Variants in KMT2A observed in about 807,000 individuals in gnomAD.
KMT2A encodes histone-lysine N-methyltransferase 2A.
In KMT2A, 16 loss-of-function variants were observed where a neutral mutation model predicts 345.3. The observed-to-expected ratio is 0.05, with a 90% CI of 0.03 to 0.07. KMT2A has a LOEUF of 0.07. Ranked by LOEUF, KMT2A falls within the 10% of genes least tolerant of loss-of-function variation. The pLI, the probability that KMT2A is intolerant of heterozygous loss-of-function variation, is 1.00. For missense variants in KMT2A, 3,272 were observed against 4,841.6 expected (o/e 0.68, Z 9.62); for synonymous variants, 1,599 against 1,778.6 (o/e 0.90, Z 2.54).
At chr11:118,486,866 C>T (rs1367961183) in intron 10 of KMT2A, among the ~76,000 whole-genome samples, 1 of 151,934 alleles carries the variant, frequency 6.6e-6, no homozygotes, top group Non-Finnish European at 1.5e-5. Context: ...CCAGCCTGGG[C>T]AACTAAGCAA....
chr11:118,459,008 T>C (rs1458032374), intron 1 of KMT2A, among the ~76,000 whole-genome samples: 3 of 152,210 alleles, frequency 2.0e-5, no homozygotes, highest in Admixed American at 6.5e-5. Context: ...ATGGTATTGA[T>C]GTTATTTTCA....
rs1950323544 is a variant in KMT2A at position 118,491,491 on chromosome 11, A to G, written c.4819+173A>G. Among the ~76,000 whole-genome samples, 1 of 152,212 alleles carries G rather than the reference A, an allele frequency of 6.6e-6. No homozygotes were observed. The highest frequency in any genetic ancestry group is 1.5e-5 in the Non-Finnish European group (1 of 68,034). The stretch of plus-strand genomic sequence containing the variant: ...TTATTTGTGCTCACTTATCTTGAAT[A>G]TATGCCTTTAAAGTATTTATTTGCT... On this transcript the variant is annotated intron_variant, in intron 14 of 35. Coordinates refer to ENST00000534358, the MANE Select transcript of KMT2A (RefSeq NM_001197104.2). This position sits in a 1 kb window ranked among gnomAD's most constrained non-coding sequence, Gnocchi z 4.2.
In KMT2A at chr11:118,502,827, A is replaced by G. The variant is rs1555046253; in HGVS notation, c.6935A>G (p.Lys2312Arg). The G allele has an allele frequency of 6.2e-7, 1 of 1,614,192 alleles. No homozygotes were observed. Among genetic ancestry groups the G allele is most frequent in the Admixed American group, 1.7e-5 (1 of 60,024 alleles). Residue 2312 changes from lysine (K) to arginine (R), a missense_variant, in exon 27 of 36, where the codon AAA becomes AGA. By Grantham distance (26) the Lys-to-Arg change is conservative. Transcript: ENST00000534358. This position sits in a 1 kb window ranked among gnomAD's most constrained non-coding sequence, Gnocchi z 4.9. Reference sequence around the variant, plus strand: ...TCCTCTTTAAAGGGAGAGAAGACCAAAGTGCTGAGTTCCAAGAGCTCAGAG... The same window carrying G: ...TCCTCTTTAAAGGGAGAGAAGACCAGAGTGCTGAGTTCCAAGAGCTCAGAG... ...KSSSLKGEKT[K>R]VLSSKSSEGS...
chr11:118,449,041 T>G (rs1297135896), intron 1 of KMT2A: 1 of 152,168 alleles, frequency 6.6e-6, no homozygotes, highest in African/African-American at 2.4e-5. Context: ...TTACGATTCT[T>G]TGTTCTACTT....
In KMT2A at chr11:118,501,877, T is replaced by C. The variant is rs1950506663; in HGVS notation, c.6505+20T>C. 3 of 1,588,466 alleles carry C rather than the reference T, an allele frequency of 1.9e-6. No homozygotes were observed. Among genetic ancestry groups the C allele is most frequent in the Non-Finnish European group, 2.6e-6 (3 of 1,164,340 alleles). On this transcript the variant is annotated intron_variant, in intron 26 of 35. Transcript: ENST00000534358. ...CTGCAGGTAAAAGACTTTATTGACC[T>C]ACTTGACCTAAGAAGATCAGCCCAA...
At chr11:118,451,207 CT>C (rs1167567348) in intron 1 of KMT2A, among the ~76,000 whole-genome samples, 179 of 120,988 alleles carry the variant, frequency 1.5e-3, no homozygotes, top group Admixed American at 2.1e-3. Context: ...CTATCTAATT[CT>C]TTTTTTTTTT....
At position 118,493,234 on chromosome 11, in the gene KMT2A, T is replaced by C; in HGVS notation, c.5178+4T>C. 1 of 1,613,362 alleles carries C rather than the reference T, an allele frequency of 6.2e-7. No individual in the cohort carries two copies. The highest frequency in any genetic ancestry group is 8.5e-7 in the Non-Finnish European group (1 of 1,179,386). The stretch of plus-strand genomic sequence containing the variant: ...CCAAGGGAATTACACATCTGTGGTA[T>C]GTTTCTACAGTGAGCCATCAGAATT... On this transcript the variant is annotated splice_donor_region_variant and intron_variant, in intron 16 of 35. Transcript: ENST00000534358. This position sits in a 1 kb window ranked among gnomAD's most constrained non-coding sequence, Gnocchi z 5.8.
rs1482142904 is a variant in KMT2A at position 118,502,195 on chromosome 11, G to A, written c.6506-203G>A. The stretch of plus-strand genomic sequence containing the variant: ...TGGAACCCAGGAGGTGGAGGTTGCA[G>A]TAAGCCGAGATCGCACCACTGCACT... On this transcript the variant is annotated intron_variant, in intron 26 of 35. Coordinates refer to ENST00000534358, the MANE Select transcript of KMT2A (RefSeq NM_001197104.2). This position sits in a 1 kb window ranked among gnomAD's most constrained non-coding sequence, Gnocchi z 4.9. Among the ~76,000 whole-genome samples, 15 of 152,154 alleles carry A rather than the reference G, an allele frequency of 9.9e-5. No individual in the cohort carries two copies. Among genetic ancestry groups the A allele is most frequent in the African/African-American group, 3.6e-4 (15 of 41,440 alleles).
rs542534 is a variant in KMT2A at position 118,498,191 on chromosome 11, A to G, written c.5802+118A>G. 2 of 1,230,712 alleles carry G rather than the reference A, an allele frequency of 1.6e-6. No individual in the cohort carries two copies. The highest frequency in any genetic ancestry group is 2.3e-6 in the Non-Finnish European group (2 of 866,646). 76.2% of individuals were successfully genotyped at this position (1,230,712 alleles called of 1,614,324 possible). The stretch of plus-strand genomic sequence containing the variant: ...CACAGTGCCATCAGGGTAGTTAGCC[A>G]ACAAGTATTGATATACATAATTCAA... On this transcript the variant is annotated intron_variant, in intron 21 of 35. Transcript: ENST00000534358. This position sits in a 1 kb window ranked among gnomAD's most constrained non-coding sequence, Gnocchi z 4.4.
At chr11:118,457,208 A>G (rs2134216494) in intron 1 of KMT2A, among the ~76,000 whole-genome samples, 1 of 150,074 alleles carries the variant, frequency 6.7e-6, no homozygotes, top group Admixed American at 6.6e-5. Flanking sequence ...TCAAAGATAA[A>G]CTTCAAACTC....
intron 4 of KMT2A, 81 bp downstream of exon 4, chr11:118,477,063 C>T: frequency 2.9e-6 from 4 of 1,362,126 alleles, no homozygotes; most frequent in Non-Finnish European, 2.1e-6. Context: ...CCAGTAGGCT[C>T]TTCATAGTTA....
rs147292591 is a variant in KMT2A at position 118,502,303 on chromosome 11, A to AATAT, written c.6506-83_6506-80dup. 3.0e-4 allele frequency: 180 copies of AATAT among 605,922 alleles called. No individual in the cohort carries two copies. Among genetic ancestry groups the AATAT allele is most frequent in the Middle Eastern group, 4.8e-4 (1 of 2,062 alleles). The allele number at this position is 605,922 out of a possible 1,614,324, so 37.5% of individuals were successfully genotyped here. A position where few individuals can be genotyped will look rare whatever the true frequency, so the allele number is the denominator to read the frequency against. On this transcript the variant is annotated intron_variant, in intron 26 of 35. Transcript: ENST00000534358. This position sits in a 1 kb window ranked among gnomAD's most constrained non-coding sequence, Gnocchi z 4.9. Reference sequence around the variant, plus strand: ...AAATGTAGATTTCCAGTTACCTATAAATATATATATATATAGTCAAATCAT... The same window carrying AATAT: ...AAATGTAGATTTCCAGTTACCTATAAATATATATATATATATATAGTCAAATCAT...
Position 118,500,358 on chromosome 11 carries a change from T to C in KMT2A, c.6158+445T>C, listed in dbSNP as rs9332832. Among the ~76,000 whole-genome samples the C allele has an allele frequency of 1.7e-3, 252 of 152,324 alleles. 2 individuals carry two copies. The highest frequency in any genetic ancestry group is 3.2e-3 in the Non-Finnish European group (220 of 68,030). On this transcript the variant is annotated intron_variant, in intron 24 of 35. Coordinates refer to ENST00000534358, the MANE Select transcript of KMT2A (RefSeq NM_001197104.2). ...TATAATCTTACCTATATGAAGTAAG[T>C]TGTTAAAATGTCTAACAAGCTAACA...
At chr11:118,437,726 C>T (rs1555139131) in intron 1 of KMT2A, among the ~76,000 whole-genome samples, 1 of 151,662 alleles carries the variant, frequency 6.6e-6, no homozygotes, top group Non-Finnish European at 1.5e-5. Flanking sequence ...TATTGGTAGC[C>T]GGGAATTACT....
intron 1 of KMT2A, among the ~76,000 whole-genome samples, chr11:118,454,967 G>A (rs1565266807): frequency 6.6e-6 from 1 of 151,820 alleles, no homozygotes; most frequent in South Asian, 2.1e-4. Context: ...CTACCCTAGC[G>A]AATATAACCC....
intron 2 of KMT2A, among the ~76,000 whole-genome samples, chr11:118,469,097 C>T (rs542195): frequency 2.4e-4 from 37 of 151,732 alleles, no homozygotes; most frequent in Non-Finnish European, 2.5e-4. Flanking sequence ...CCCACTAACT[C>T]GTCATCTAGC....
chr11:118,509,087 G>T (rs2134426106), intron 28 of KMT2A, 49 bp from the exon 29 acceptor site: 1 of 1,539,110 alleles, frequency 6.5e-7, no homozygotes, highest in Non-Finnish European at 9.0e-7. Flanking sequence ...TTTTTTCTTT[G>T]AATTGAAGAA....
rs2134389397 is a variant in KMT2A, at chr11:118,503,051, G to C, written c.7159G>C (p.Asp2387His). The change falls in exon 27 of 36, where the codon GAT (aspartate) becomes CAT (histidine). Residue 2387 changes from aspartate (D) to histidine (H), a missense_variant. By Grantham distance (81) the Asp-to-His change is moderately conservative. Around this residue, in one of 27 missense-constraint regions of KMT2A, gnomAD observed 445 missense variants for 500.9 expected, o/e 0.89. Coordinates refer to ENST00000534358, the MANE Select transcript of KMT2A (RefSeq NM_001197104.2). The surrounding 1 kb of genome is among the most constrained non-coding windows in gnomAD (Gnocchi z 5.3). ...AAGGAATGATCGAGACCAACACACA[G>C]ATTCTACCCAATCAGCAAACTCCTC... ...GQRNDRDQHT[D>H]STQSANSSPD... is the part of the protein sequence containing the mutation. The C allele has an allele frequency of 6.2e-7, 1 of 1,613,138 alleles. No homozygotes were observed. The highest frequency in any genetic ancestry group is 1.1e-5 in the South Asian group (1 of 91,064).
At position 118,502,590 on chromosome 11, in the gene KMT2A, C is replaced by G. The variant is rs144271443; in HGVS notation, c.6698C>G (p.Thr2233Ser). 6.2e-7 allele frequency: 1 copy of G among 1,614,176 alleles called. No homozygotes were observed. Among genetic ancestry groups the G allele is most frequent in the Non-Finnish European group, 8.5e-7 (1 of 1,180,002 alleles). ...AATAATGTTTCCTCAGTCTCCACCA[C>G]CGGGACCGCTACTGATCTTGAATCA... ...SRNNVSSVST[T>S]GTATDLESSA... Residue 2233 changes from threonine (T) to serine (S), a missense_variant, in exon 27 of 36, where the codon ACC (threonine) becomes AGC (serine). Thr to Ser is a moderately conservative substitution (Grantham distance 58). Coordinates refer to ENST00000534358, the MANE Select transcript of KMT2A (RefSeq NM_001197104.2). The surrounding 1 kb of genome is among the most constrained non-coding windows in gnomAD (Gnocchi z 4.9).
Sources: allele counts gnomAD v4.1 joint callset (sites outside exome capture counted in the v4.1 genomes callset), GRCh38; gene constraint gnomAD v4.1.1; regional missense constraint gnomAD v4.1.1; non-coding constraint Gnocchi (gnomAD v3.1); transcripts MANE v1.5; gene names NCBI Gene and HGNC (gene_info 2026-07-23, HGNC 2026-07-21).